The following ATP8A1 variants were observed in gnomAD, a reference collection of about 807,000 sequenced individuals.
ATP8A1 encodes the protein ATPase phospholipid transporting 8A1, also known as phospholipid-transporting ATPase IA.
ATP8A1 carries 90 observed loss-of-function variants against 177.7 expected under a neutral mutation model. The observed-to-expected ratio is 0.51, with a 90% CI of 0.43 to 0.60. ATP8A1 has a LOEUF of 0.60. Ranked by LOEUF, ATP8A1 falls within the 20% of genes least tolerant of loss-of-function variation. The pLI is 0.00. For missense variants in ATP8A1, 1,072 were observed against 1,392.8 expected, an observed-to-expected ratio of 0.77 and a Z score of 3.67; for synonymous variants, 493 against 485.9, an observed-to-expected ratio of 1.01 and a Z score of -0.19.
chr4:42,448,828 GTTTTTTTT>G (rs55946444), intron 30 of ATP8A1, among the ~76,000 whole-genome samples: 10 of 84,230 alleles, frequency 1.2e-4, no homozygotes, highest in African/African-American at 3.6e-4. Context: ...TGTACTTTGC[GTTTTTTTT>G]TTTTTTTTTT....
chr4:42,511,287 C>A (rs1445475129), intron 22 of ATP8A1, among the ~76,000 whole-genome samples: 1 of 152,174 alleles, frequency 6.6e-6, no homozygotes, highest in African/African-American at 2.4e-5. Context: ...TTTTCCTGAT[C>A]ATAACACAAG....
intron 25 of ATP8A1, among the ~76,000 whole-genome samples, chr4:42,482,335 A>C (rs1450423430): frequency 2.9e-5 from 1 of 34,692 alleles, no homozygotes; most frequent in Non-Finnish European, 8.0e-5. Flanking sequence ...ACAAACAAAC[A>C]AAAAAAAAAA....
At chr4:42,520,069 T>C (rs1385265562) in intron 22 of ATP8A1, among the ~76,000 whole-genome samples, 1 of 152,180 alleles carries the variant, frequency 6.6e-6, no homozygotes, top group Non-Finnish European at 1.5e-5. Context: ...TTGCAAGGCT[T>C]TTAATCAGTT....
At chr4:42,545,290 A>C (rs1267429173) in intron 19 of ATP8A1, among the ~76,000 whole-genome samples, 1 of 151,956 alleles carries the variant, frequency 6.6e-6, no homozygotes, top group Non-Finnish European at 1.5e-5. Flanking sequence ...TTGTAATGAC[A>C]CCTATACATT....
chr4:42,605,406 C>A (rs1332419246), intron 5 of ATP8A1, among the ~76,000 whole-genome samples: 2 of 149,690 alleles, frequency 1.3e-5, no homozygotes, highest in Admixed American at 1.4e-4. Flanking sequence ...CATGCTGTGA[C>A]TTTACAGATG....
intron 25 of ATP8A1, among the ~76,000 whole-genome samples, chr4:42,478,563 C>CA (rs368068020): frequency 1.5e-3 from 191 of 125,588 alleles, no homozygotes; most frequent in African/African-American, 4.3e-3. Flanking sequence ...AATACACACA[C>CA]AAAAAAAAAA....
rs1438895558 is a variant in ATP8A1, at chr4:42,522,306, A to C, written c.1808-7T>G. ...AAACATAAAGTTCTTAACCCTGAAA[A>C]AGATAGCATACATCACCCCAACACA... On this transcript the variant is annotated splice_polypyrimidine_tract_variant and splice_region_variant and intron_variant, in intron 21 of 36. Coordinates refer to ENST00000381668, the MANE Select transcript of ATP8A1 (RefSeq NM_006095.2). 6.2e-7 allele frequency: 1 copy of C among 1,612,552 alleles called. No homozygotes were observed. The highest frequency in any genetic ancestry group is 8.5e-7 in the Non-Finnish European group (1 of 1,179,668).
chr4:42,530,510 C>T (rs1167862518), intron 20 of ATP8A1, among the ~76,000 whole-genome samples: 2 of 152,218 alleles, frequency 1.3e-5, no homozygotes, highest in Admixed American at 1.3e-4. Context: ...AGAAGTGTGG[C>T]AGTGGGCTCA....
At chr4:42,629,784 G>C (rs1738534249) in intron 1 of ATP8A1, among the ~76,000 whole-genome samples, 1 of 152,200 alleles carries the variant, frequency 6.6e-6, no homozygotes, top group Non-Finnish European at 1.5e-5. Flanking sequence ...AAAAAGACTA[G>C]CATTTTTGCT....
At chr4:42,623,019 A>T (rs537050667) in intron 4 of ATP8A1, among the ~76,000 whole-genome samples, 2 of 151,888 alleles carry the variant, frequency 1.3e-5, no homozygotes, top group East Asian at 3.9e-4. Flanking sequence ...CAAAAAAAAA[A>T]AAAAAGGTGG....
intron 6 of ATP8A1, among the ~76,000 whole-genome samples, chr4:42,593,834 T>TATA (rs1342582677): frequency 2.0e-5 from 3 of 151,914 alleles, no homozygotes; most frequent in African/African-American, 7.2e-5. Flanking sequence ...GTTGGAAGAG[T>TATA]ATGGCATTTC....
At chr4:42,536,266 G>A (rs1727818272) in intron 20 of ATP8A1, among the ~76,000 whole-genome samples, 1 of 152,080 alleles carries the variant, frequency 6.6e-6, no homozygotes. Context: ...AACAAAATAG[G>A]AGATACTATA....
intron 20 of ATP8A1, among the ~76,000 whole-genome samples, chr4:42,539,158 G>A (rs572984220): frequency 1.3e-5 from 2 of 152,190 alleles, no homozygotes; most frequent in African/African-American, 4.8e-5. Context: ...ACTCAGAAAT[G>A]GGAAACCAAA....
intron 25 of ATP8A1, among the ~76,000 whole-genome samples, chr4:42,470,085 C>T (rs1007045630): frequency 3.3e-5 from 5 of 152,152 alleles, no homozygotes; most frequent in Non-Finnish European, 5.9e-5. Context: ...TCTGTTCCAC[C>T]GTTGCTTTTT....
At chr4:42,583,873 GA>G (rs1268745298) in intron 9 of ATP8A1, among the ~76,000 whole-genome samples, 1 of 152,196 alleles carries the variant, frequency 6.6e-6, no homozygotes, top group Non-Finnish European at 1.5e-5. Context: ...GCAACAATTT[GA>G]CAGAAAACTG....
intron 6 of ATP8A1, among the ~76,000 whole-genome samples, chr4:42,592,878 T>C (rs1024239782): frequency 8.5e-5 from 13 of 152,146 alleles, no homozygotes; most frequent in African/African-American, 3.1e-4. Flanking sequence ...CCGTTGTATA[T>C]GTGTTTCGTA....
intron 33 of ATP8A1, among the ~76,000 whole-genome samples, chr4:42,440,637 A>G (rs1340929908): frequency 1.3e-5 from 2 of 152,134 alleles, no homozygotes; most frequent in Non-Finnish European, 2.9e-5. Flanking sequence ...TTGAAAAAAA[A>G]TATATATATA....
chr4:42,642,757 T>C (rs1451545707), intron 1 of ATP8A1, among the ~76,000 whole-genome samples: 1 of 152,180 alleles, frequency 6.6e-6, no homozygotes, highest in African/African-American at 2.4e-5. Context: ...TACCTCAAGA[T>C]GCTACTACTA....
chr4:42,548,885 TTAATA>T (rs2153209559), intron 19 of ATP8A1, 123 bp downstream of exon 19: 2 of 710,512 alleles, frequency 2.8e-6, no homozygotes, highest in Non-Finnish European at 4.6e-6. Context: ...AGATTTTGAT[TTAATA>T]TTTTGTCTAA....
Sources: gnomAD v4.1 joint callset for allele counts (sites outside exome capture counted in the v4.1 genomes callset) on GRCh38, gnomAD v4.1.1 for gene constraint, MANE v1.5 for transcripts, NCBI Gene and HGNC (gene_info 2026-07-23, HGNC 2026-07-21) for gene names.